Variants in NHS observed in about 807,000 individuals in gnomAD.
NHS encodes the protein NHS actin remodeling regulator.
A neutral mutation model predicts 72.5 loss-of-function variants in NHS; 5 were observed. That is an observed-to-expected ratio of 0.07 (90% CI 0.04 to 0.14). The LOEUF (loss-of-function observed/expected upper bound fraction) is 0.14, where lower values mean the gene tolerates loss of function less well. Among genes scored for constraint, NHS ranks in the 10% least tolerant of loss-of-function variants. The pLI is 1.00. For synonymous variants in NHS, 464 were observed against 547.7 expected (o/e 0.85, Z 2.13); for missense variants, 1,072 against 1,355.7 (o/e 0.79, Z 3.29).
intron 1 of NHS, among the ~76,000 whole-genome samples, chrX:17,609,466 GGGT>G (rs2065697901): frequency 1.8e-5 from 2 of 111,832 alleles, no homozygotes; most frequent in South Asian, 7.5e-4. Context: ...CATAGCATTT[GGGT>G]GGTGGTGGTG....
chrX:17,628,262 C>T (rs1208845044), intron 1 of NHS, among the ~76,000 whole-genome samples: 1 of 112,187 alleles, frequency 8.9e-6, no homozygotes, highest in Non-Finnish European at 1.9e-5. Context: ...AGCTCAAATC[C>T]GGGATGAGGG....
At chrX:17,690,975 A>G (rs1159562964) in intron 2 of NHS, among the ~76,000 whole-genome samples, 1 of 111,511 alleles carries the variant, frequency 9.0e-6, no homozygotes, top group Admixed American at 9.5e-5. Flanking sequence ...CATAAGTTTC[A>G]TTGGTCTAAG....
At chrX:17,493,549 A>G (rs1445503567) in intron 1 of NHS, among the ~76,000 whole-genome samples, 2 of 112,214 alleles carry the variant, frequency 1.8e-5, no homozygotes, top group African/African-American at 3.2e-5. Flanking sequence ...GGCATATAGT[A>G]GGTGCTTAGT....
rs756842517 is a variant in NHS at position 17,702,266 on chromosome X, T to C, written c.852+9798T>C. On this transcript the variant is annotated intron_variant, in intron 3 of 8. Coordinates refer to ENST00000676302, the MANE Select transcript of NHS (RefSeq NM_001291867.2). The stretch of plus-strand genomic sequence containing the variant: ...CATTACAAATGAATAACAACCACCC[T>C]GAAAGAGGTGGGGAAGAAAATAGCT... Among the ~76,000 whole-genome samples the C allele has an allele frequency of 1.1e-3, 119 of 112,008 alleles. 2 individuals carry two copies. Among genetic ancestry groups the C allele is most frequent in the Admixed American group, 8.9e-3 (94 of 10,613 alleles).
At chrX:17,585,677 C>T (rs1342008639) in intron 1 of NHS, among the ~76,000 whole-genome samples, 1 of 109,351 alleles carries the variant, frequency 9.1e-6, no homozygotes, top group Non-Finnish European at 1.9e-5. Context: ...ACAGATGCCA[C>T]CATCCAGAGG....
At chrX:17,565,776 C>T (rs1003913209) in intron 1 of NHS, among the ~76,000 whole-genome samples, 1 of 112,353 alleles carries the variant, frequency 8.9e-6, no homozygotes, top group Non-Finnish European at 1.9e-5. Context: ...GTAGACACCT[C>T]ATATGTTCTG....
intron 1 of NHS, among the ~76,000 whole-genome samples, chrX:17,434,487 A>G (rs1220114256): frequency 6.8e-5 from 6 of 88,418 alleles, no homozygotes; most frequent in African/African-American, 2.8e-4. Flanking sequence ...TCTGTCACCC[A>G]GGCTGGAGTG....
At chrX:17,576,917 T>C (rs936148445) in intron 1 of NHS, among the ~76,000 whole-genome samples, 3 of 111,920 alleles carry the variant, frequency 2.7e-5, no homozygotes, top group Non-Finnish European at 5.6e-5. Flanking sequence ...ACAAATAGTA[T>C]GTTCATTCTC....
At chrX:17,619,557 A>G (rs959945473) in intron 1 of NHS, among the ~76,000 whole-genome samples, 1 of 111,925 alleles carries the variant, frequency 8.9e-6, no homozygotes, top group Admixed American at 9.4e-5. Context: ...TGCATAACCA[A>G]TGAGCCATGT....
intron 1 of NHS, among the ~76,000 whole-genome samples, chrX:17,670,137 G>A (rs1045294033): frequency 1.2e-4 from 13 of 112,517 alleles, no homozygotes; most frequent in African/African-American, 3.6e-4. Flanking sequence ...AATGGTGAAA[G>A]GGATGGGAAT....
Position 17,424,191 on chromosome X carries a change from TA to T in NHS, c.565+47871del, listed in dbSNP as rs1451021743. ...AATGGAGGTAATTTTTGAATTATAA[TA>T]AGTGAGAAGACTGCAAGGGAGACAA... On this transcript the variant is annotated intron_variant, in intron 1 of 8. Coordinates refer to ENST00000676302, the MANE Select transcript of NHS (RefSeq NM_001291867.2). 1.1e-4 allele frequency among the ~76,000 whole-genome samples: 12 copies of T among 112,154 alleles called. No individual in the cohort carries two copies. The East Asian group carries it at 3.1e-3, about 29-fold the overall frequency.
chrX:17,512,119 G>A (rs1329639401), intron 1 of NHS, among the ~76,000 whole-genome samples: 3 of 111,292 alleles, frequency 2.7e-5, no homozygotes, highest in Non-Finnish European at 5.6e-5. Context: ...TTCCTTACGA[G>A]CATTTCCTTG....
At chrX:17,636,048 C>T (rs1307122292) in intron 1 of NHS, among the ~76,000 whole-genome samples, 3 of 112,389 alleles carry the variant, frequency 2.7e-5, no homozygotes, top group Admixed American at 9.3e-5. Context: ...GGGCCCCATC[C>T]TGCATGGGCT....
At chrX:17,529,635 C>T (rs1019215860) in intron 1 of NHS, among the ~76,000 whole-genome samples, 5 of 111,565 alleles carry the variant, frequency 4.5e-5, no homozygotes, top group African/African-American at 1.6e-4. Flanking sequence ...GAAATGAGAC[C>T]GTACTGCCCA....
At chrX:17,716,314 T>C (rs746784956) in intron 3 of NHS, among the ~76,000 whole-genome samples, 1 of 112,295 alleles carries the variant, frequency 8.9e-6, no homozygotes, top group South Asian at 3.7e-4. Flanking sequence ...CAAACTACCA[T>C]AATTTATGTA....
At chrX:17,604,862 T>C (rs1047447878) in intron 1 of NHS, among the ~76,000 whole-genome samples, 1 of 111,929 alleles carries the variant, frequency 8.9e-6, no homozygotes, top group Admixed American at 9.5e-5. Flanking sequence ...ATTAGATAAA[T>C]GACCAAATCA....
intron 1 of NHS, among the ~76,000 whole-genome samples, chrX:17,511,577 G>A (rs151054908): frequency 1.4e-4 from 16 of 111,975 alleles, no homozygotes; most frequent in African/African-American, 5.2e-4. Context: ...TAGGTCCCAG[G>A]AATCTGTATT....
chrX:17,420,120 T>C (rs1389202626), intron 1 of NHS, among the ~76,000 whole-genome samples: 1 of 112,001 alleles, frequency 8.9e-6, no homozygotes, highest in Non-Finnish European at 1.9e-5. Context: ...ATTAACCAGG[T>C]AATAAATATT....
chrX:17,714,723 G>A (rs1433931407), intron 3 of NHS, among the ~76,000 whole-genome samples: 4 of 111,926 alleles, frequency 3.6e-5, no homozygotes, highest in East Asian at 5.6e-4. Context: ...AATAAGCAAC[G>A]AGATTCATTT....
Sources: gnomAD v4.1 joint callset for allele counts (sites outside exome capture counted in the v4.1 genomes callset) on GRCh38, gnomAD v4.1.1 for gene constraint, MANE v1.5 for transcripts, NCBI Gene and HGNC (gene_info 2026-07-23, HGNC 2026-07-21) for gene names.